Variants in MON2 observed in about 807,000 individuals in gnomAD.
The protein encoded by MON2 is protein MON2 homolog.
MON2 carries 84 observed loss-of-function variants against 208.6 expected under a neutral mutation model. That is an observed-to-expected ratio of 0.40 (90% CI 0.34 to 0.48). The LOEUF is 0.48. Among genes scored for constraint, MON2 ranks in the 20% least tolerant of loss-of-function variants. The probability of loss-of-function intolerance (pLI) is 0.59; values close to 1 mark genes in which losing one functional copy is unlikely to be tolerated. For missense variants in MON2, 1,611 were observed against 2,015.4 expected (o/e 0.80, Z 3.84); for synonymous variants, 660 against 694.0 (o/e 0.95, Z 0.77).
At chr12:62,579,421 A>T (rs974564967) in intron 31 of MON2, among the ~76,000 whole-genome samples, 10 of 151,924 alleles carry the variant, frequency 6.6e-5, no homozygotes, top group African/African-American at 1.9e-4. Flanking sequence ...AATCAATTAC[A>T]TTACTTTAAA....
At position 62,535,574 on chromosome 12, in the gene MON2, G is replaced by C. The variant is rs1458762753; in HGVS notation, c.1765G>C (p.Ala589Pro). The C allele has an allele frequency of 6.2e-7, 1 of 1,613,510 alleles. No homozygotes were observed. Among genetic ancestry groups the C allele is most frequent in the African/African-American group, 1.3e-5 (1 of 74,862 alleles). The change falls in exon 14 of 35, where the codon GCT becomes CCT. Residue 589 changes from alanine to proline, a missense_variant. Ala to Pro is a conservative substitution (Grantham distance 27). Coordinates refer to ENST00000393630, the MANE Select transcript of MON2 (RefSeq NM_015026.3). The stretch of plus-strand genomic sequence containing the variant: ...TATTTTAAAAGCTGAACTGACTATG[G>C]CTGCTCTTTGTGGAAGACTGGGCCT... ...ENILKAELTM[A>P]ALCGRLGLVT...
chr12:62,489,462 A>T (rs1018900524), intron 2 of MON2, among the ~76,000 whole-genome samples: 1 of 151,966 alleles, frequency 6.6e-6, no homozygotes, highest in East Asian at 1.9e-4. Flanking sequence ...CATCATGTTG[A>T]TATCATATTT....
intron 22 of MON2, among the ~76,000 whole-genome samples, chr12:62,548,504 G>A (rs2073598379): frequency 6.6e-6 from 1 of 152,136 alleles, no homozygotes; most frequent in Non-Finnish European, 1.5e-5. Flanking sequence ...TTGTTTTGAT[G>A]ACTAGTTCGG....
At chr12:62,516,742 T>A (rs1359829902) in intron 8 of MON2, among the ~76,000 whole-genome samples, 2 of 152,050 alleles carry the variant, frequency 1.3e-5, no homozygotes, top group African/African-American at 4.8e-5. Context: ...AATTGGAATG[T>A]TTTAGCACAA....
chr12:62,545,118 C>T, intron 21 of MON2, 110 bp downstream of exon 21: 2 of 613,380 alleles, frequency 3.3e-6, no homozygotes, highest in South Asian at 3.2e-5. Flanking sequence ...GGGTTTTTAA[C>T]TTAATATTCT....
At chr12:62,590,388 C>A (rs561868734) in intron 34 of MON2, among the ~76,000 whole-genome samples, 8 of 152,180 alleles carry the variant, frequency 5.3e-5, no homozygotes, top group African/African-American at 1.9e-4. Context: ...CAACCGCCCC[C>A]CAGCCAAGAT....
chr12:62,526,494 G>GATATATACATCT (rs2072337698), intron 11 of MON2, among the ~76,000 whole-genome samples: 2 of 151,860 alleles, frequency 1.3e-5, no homozygotes, highest in Non-Finnish European at 2.9e-5. Context: ...TATACAATGG[G>GATATATACATCT]AGTAGTGATA....
chr12:62,493,893 T>A, intron 2 of MON2, 22 bp from the exon 3 acceptor site: 3 of 1,464,602 alleles, frequency 2.0e-6, no homozygotes, highest in Non-Finnish European at 2.7e-6. Context: ...AATAATTTAC[T>A]TTATATGTGT....
At chr12:62,583,621 A>G (rs2075082873) in intron 32 of MON2, among the ~76,000 whole-genome samples, 5 of 151,970 alleles carry the variant, frequency 3.3e-5, no homozygotes, top group Admixed American at 3.3e-4. Context: ...AGACCCTAAA[A>G]GATTTCAGAA....
chr12:62,577,662 C>T (rs542367217), intron 30 of MON2, among the ~76,000 whole-genome samples: 79 of 152,000 alleles, frequency 5.2e-4, no homozygotes, highest in African/African-American at 1.9e-3. Flanking sequence ...GTTTCAGTTC[C>T]CTCTTCTCTT....
Position 62,566,045 on chromosome 12 carries a change from C to T in MON2, c.4194+14C>T. ...CTATTTGCACCGGTGAGTTAAATTT[C>T]CTAAAATTGTCCTAACCTCTTGGCA... On this transcript the variant is annotated intron_variant, in intron 28 of 34. Transcript: ENST00000393630. 6.2e-7 allele frequency: 1 copy of T among 1,608,952 alleles called. No homozygotes were observed. The highest frequency in any genetic ancestry group is 8.5e-7 in the Non-Finnish European group (1 of 1,176,346).
intron 19 of MON2, among the ~76,000 whole-genome samples, chr12:62,541,929 C>G (rs1224172672): frequency 2.0e-5 from 3 of 152,196 alleles, no homozygotes; most frequent in Admixed American, 6.5e-5. Context: ...CAGGCACTTT[C>G]TAACATTAGA....
intron 12 of MON2, among the ~76,000 whole-genome samples, chr12:62,534,524 A>T (rs2136225308): frequency 1.9e-5 from 1 of 53,142 alleles, no homozygotes; most frequent in Middle Eastern, 9.4e-3. Context: ...ATCGCAAAAA[A>T]AAAAAAAAAA....
rs1379472943 is a variant in MON2 at position 62,467,294 on chromosome 12, G to A, written c.87G>A (p.Lys29=). ...SDLRALSLEC[K]KKFPPVKEAA... Reference sequence around the variant, plus strand: ...TGCGCGCCTTGTCACTGGAGTGCAAGAAGAAATTCCCACCTGTCAAAGAGG... The same window carrying A: ...TGCGCGCCTTGTCACTGGAGTGCAAAAAGAAATTCCCACCTGTCAAAGAGG... Residue 29 remains lysine (K), a synonymous_variant, in exon 1 of 35, where the codon AAG becomes AAA. Transcript: ENST00000393630. 2 of 1,613,994 alleles carry A rather than the reference G, an allele frequency of 1.2e-6. No homozygotes were observed. Among genetic ancestry groups the A allele is most frequent in the East Asian group, 2.2e-5 (1 of 44,888 alleles).
At chr12:62,521,760 A>G (rs2072053221) in intron 8 of MON2, among the ~76,000 whole-genome samples, 1 of 152,242 alleles carries the variant, frequency 6.6e-6, no homozygotes, top group Non-Finnish European at 1.5e-5. Flanking sequence ...CTCATTAGGT[A>G]TATTAATAGC....
chr12:62,516,748 C>T (rs1317097981), intron 8 of MON2, among the ~76,000 whole-genome samples: 1 of 152,010 alleles, frequency 6.6e-6, no homozygotes, highest in East Asian at 1.9e-4. Context: ...AATGTTTTAG[C>T]ACAAAGAAAT....
intron 1 of MON2, among the ~76,000 whole-genome samples, chr12:62,483,383 A>T (rs1001774974): frequency 2.0e-5 from 3 of 152,194 alleles, no homozygotes; most frequent in Non-Finnish European, 4.4e-5. Flanking sequence ...CCATTCTCAA[A>T]AAAGAAAACA....
chr12:62,550,599 C>T (rs1456892879), intron 23 of MON2, among the ~76,000 whole-genome samples: 12 of 152,186 alleles, frequency 7.9e-5, no homozygotes, highest in Non-Finnish European at 1.3e-4. Flanking sequence ...CCACCTTCAT[C>T]GGTGATCTTA....
In MON2 at chr12:62,525,853, A is replaced by G. The variant is rs542470874; in HGVS notation, c.1247-96A>G. On this transcript the variant is annotated intron_variant, in intron 10 of 34. Coordinates refer to ENST00000393630, the MANE Select transcript of MON2 (RefSeq NM_015026.3). ...CAATACCCATTCTGATAGCACAGAA[A>G]TTTTTTTTAAAGATTGGCCAGGTGT... 1.5e-4 allele frequency: 176 copies of G among 1,158,908 alleles called. No individual in the cohort carries two copies. In the Middle Eastern group the frequency reaches 2.3e-3, roughly 15 times the overall value. 71.8% of individuals were successfully genotyped at this position (1,158,908 alleles called of 1,614,324 possible).
Sources: allele counts gnomAD v4.1 joint callset (sites outside exome capture counted in the v4.1 genomes callset), GRCh38; gene constraint gnomAD v4.1.1; transcripts MANE v1.5; gene names NCBI Gene and HGNC (gene_info 2026-07-23, HGNC 2026-07-21).